The following BCL11B variants were observed in gnomAD, a reference collection of about 807,000 sequenced individuals.
BCL11B encodes the protein BCL11 transcription factor B, also known as B-cell lymphoma/leukemia 11B.
BCL11B carries 8 observed loss-of-function variants against 49.9 expected under a neutral mutation model. That is an observed-to-expected ratio of 0.16 (90% confidence interval 0.09 to 0.29). The LOEUF is 0.29. Among genes scored for constraint, BCL11B ranks in the 10% least tolerant of loss-of-function variants. The probability of loss-of-function intolerance (pLI) is 1.00; values close to 1 mark genes in which losing one functional copy is unlikely to be tolerated. For synonymous variants in BCL11B, 739 were observed against 637.4 expected, an observed-to-expected ratio of 1.16 and a Z score of -2.40; for missense variants, 1,006 against 1,351.0, an observed-to-expected ratio of 0.74 and a Z score of 4.00.
In BCL11B at chr14:99,205,078, G is replaced by GT. The variant is rs1887495410; in HGVS notation, c.640+26266dup. ...CAGGTGTTCAGGGGATGCCCCTCCA[G>GT]TTACATTACTTTGAAAGGGAGCATA... is the stretch of plus-strand genomic sequence containing the variant. On this transcript the variant is annotated intron_variant, in intron 3 of 3. Transcript: ENST00000357195. The surrounding 1 kb of genome is among the most constrained non-coding windows in gnomAD (Gnocchi z 5.0). 6.6e-6 allele frequency among the ~76,000 whole-genome samples: 1 copy of GT among 152,064 alleles called. No individual in the cohort carries two copies. The highest frequency in any genetic ancestry group is 1.5e-5 in the Non-Finnish European group (1 of 68,010).
At chr14:99,243,365 A>T (rs941520) in intron 2 of BCL11B, among the ~76,000 whole-genome samples, 1 of 151,916 alleles carries the variant, frequency 6.6e-6, no homozygotes, top group Non-Finnish European at 1.5e-5. Flanking sequence ...CCTCTAGAAG[A>T]GGCTATTTGA....
chr14:99,257,416 C>T lies in BCL11B; in HGVS notation c.427+55G>A, dbSNP rs1034120226. The T allele has an allele frequency of 6.5e-7, 1 of 1,545,198 alleles. No individual in the cohort carries two copies. The highest frequency in any genetic ancestry group is 8.8e-7 in the Non-Finnish European group (1 of 1,140,130). ...TGCACCAGCACACTCAGGCAGAGGG[C>T]ATGGGACCCAGGAGGTGGCTTCCAC... On this transcript the variant is annotated intron_variant, in intron 2 of 3. Transcript: ENST00000357195. The surrounding 1 kb of genome is among the most constrained non-coding windows in gnomAD (Gnocchi z 6.2).
rs555263244 is a variant in BCL11B at position 99,254,208 on chromosome 14, G to A, written c.427+3263C>T. On this transcript the variant is annotated intron_variant, in intron 2 of 3. Coordinates refer to ENST00000357195, the MANE Select transcript of BCL11B (RefSeq NM_138576.4). ...TGAATGAATGAATGAATGCCCTCCA[G>A]AAAACAAAGCTTCAGAAACTTCCTC... is the stretch of plus-strand genomic sequence containing the variant. Among the ~76,000 whole-genome samples the A allele has an allele frequency of 5.9e-5, 9 of 152,328 alleles. No homozygotes were observed. The South Asian group carries it at 1.9e-3, about 32-fold the overall frequency.
In BCL11B at chr14:99,211,116, G is replaced by A. The variant is rs1340520246; in HGVS notation, c.640+20229C>T. Among the ~76,000 whole-genome samples the A allele has an allele frequency of 2.0e-5, 3 of 152,204 alleles. No homozygotes were observed. The East Asian group carries it at 5.8e-4, about 29-fold the overall frequency. On this transcript the variant is annotated intron_variant, in intron 3 of 3. Transcript: ENST00000357195. ...CACATGCGTACCCAGGTAATACCAT[G>A]ATCTCCTTTTAGCAAGTGAGGAAAC...
At position 99,172,311 on chromosome 14, in the gene BCL11B, C is replaced by A. The variant is rs1886317338; in HGVS notation, c.*1840G>T. On this transcript the variant is annotated 3_prime_UTR_variant, in exon 4 of 4. Transcript: ENST00000357195. ...AAAACAAAAGGGGCTGAGGATAATT[C>A]AGCTAATGGATGTCCAAGGTTGTGC... is the stretch of plus-strand genomic sequence containing the variant. 2 of 226,090 alleles carry A rather than the reference C, an allele frequency of 8.8e-6. No homozygotes were observed. The highest frequency in any genetic ancestry group is 1.8e-5 in the Non-Finnish European group (2 of 113,356). 14.0% of individuals were successfully genotyped at this position (226,090 alleles called of 1,614,324 possible). A position where few individuals can be genotyped will look rare whatever the true frequency, so the allele number is the denominator to read the frequency against.
In BCL11B at chr14:99,184,508, C is replaced by T. The variant is rs1387888402; in HGVS notation, c.641-8313G>A. 1.3e-5 allele frequency among the ~76,000 whole-genome samples: 2 copies of T among 152,188 alleles called. No individual in the cohort carries two copies. The highest frequency in any genetic ancestry group is 2.4e-5 in the African/African-American group (1 of 41,434). On this transcript the variant is annotated intron_variant, in intron 3 of 3. Coordinates refer to ENST00000357195, the MANE Select transcript of BCL11B (RefSeq NM_138576.4). The surrounding 1 kb of genome is among the most constrained non-coding windows in gnomAD (Gnocchi z 6.1). ...GTTCTCTAGAGAAAAGAAACTAAGT[C>T]TCATCACAGCTGAGTGAGGGGCCCC...
chr14:99,174,553 G>A lies in BCL11B; in HGVS notation c.2283C>T (p.Asp761=), dbSNP rs1022551537. 33 of 1,512,324 alleles carry A rather than the reference G, an allele frequency of 2.2e-5. No homozygotes were observed. The Middle Eastern group carries it at 1.0e-3, about 47-fold the overall frequency. 93.7% of individuals were successfully genotyped at this position (1,512,324 alleles called of 1,614,324 possible). The part of the protein sequence containing the change: ...RFSTPPGDLL[D]GGLSGRSGTA... ...TGCCGCTGCGGCCCGAGAGGCCGCC[G>A]TCCAGCAGGTCCCCGGGCGGCGTGG... Residue 761 remains aspartate (D), a synonymous_variant, in exon 4 of 4, where the codon GAC becomes GAT. Coordinates refer to ENST00000357195, the MANE Select transcript of BCL11B (RefSeq NM_138576.4).
In BCL11B at chr14:99,195,785, C is replaced by T. The variant is rs1051311979; in HGVS notation, c.641-19590G>A. Among the ~76,000 whole-genome samples the T allele has an allele frequency of 1.3e-5, 2 of 152,156 alleles. No homozygotes were observed. The highest frequency in any genetic ancestry group is 4.8e-5 in the African/African-American group (2 of 41,430). On this transcript the variant is annotated intron_variant, in intron 3 of 3. Coordinates refer to ENST00000357195, the MANE Select transcript of BCL11B (RefSeq NM_138576.4). The surrounding 1 kb of genome is among the most constrained non-coding windows in gnomAD (Gnocchi z 4.7). ...CAGTCATTCCTGTCACCCTTCACCA[C>T]CCAACACCATCTGACACATAGTAGG...
At chr14:99,252,444 A>G (rs1303222780) in intron 2 of BCL11B, among the ~76,000 whole-genome samples, 11 of 152,182 alleles carry the variant, frequency 7.2e-5, no homozygotes, top group Admixed American at 7.2e-4. Flanking sequence ...TGGAGAGAAC[A>G]TTCCCAAAGC....
rs760038299 is a variant in BCL11B at position 99,231,415 on chromosome 14, C to T, written c.570G>A (p.Pro190=). 2.1e-5 allele frequency: 33 copies of T among 1,596,342 alleles called. 1 individual carries two copies. The East Asian group carries it at 2.5e-4, about 12-fold the overall frequency. ...CLPLPCCSAR[P]VSGDGTQGEG... ...CACCCTGAGTCCCGTCACCCGAGAC[C>T]GGGCGCGCGCTGCAGCACGGCAGGG... The change falls in exon 3 of 4, where the codon CCG becomes CCA. Residue 190 remains proline (P), a synonymous_variant. Coordinates refer to ENST00000357195, the MANE Select transcript of BCL11B (RefSeq NM_138576.4). This position sits in a 1 kb window ranked among gnomAD's most constrained non-coding sequence, Gnocchi z 8.1.
chr14:99,185,844 C>T (rs1886837471), intron 3 of BCL11B, among the ~76,000 whole-genome samples: 1 of 152,206 alleles, frequency 6.6e-6, no homozygotes, highest in African/African-American at 2.4e-5. Flanking sequence ...CAGGATGACC[C>T]AAGACCTCAC....
intron 3 of BCL11B, among the ~76,000 whole-genome samples, chr14:99,193,285 C>T (rs1382350337): frequency 6.6e-6 from 1 of 152,082 alleles, no homozygotes; most frequent in South Asian, 2.1e-4. Flanking sequence ...AGAAAGGCCC[C>T]GCTAATACAC....
rs1351682870 is a variant in BCL11B, at chr14:99,242,916, A to C, written c.428-11359T>G. 6.6e-6 allele frequency among the ~76,000 whole-genome samples: 1 copy of C among 152,138 alleles called. No homozygotes were observed. Among genetic ancestry groups the C allele is most frequent in the Non-Finnish European group, 1.5e-5 (1 of 68,018 alleles). On this transcript the variant is annotated intron_variant, in intron 2 of 3. Transcript: ENST00000357195. The surrounding 1 kb of genome is among the most constrained non-coding windows in gnomAD (Gnocchi z 4.4). ...TGTGTGCTCCATGGGGATAAGTGCC[A>C]ATTTTTGTTAGCTCTGAGAGGCGGT...
In BCL11B at chr14:99,194,563, C is replaced by T. The variant is rs1357853168; in HGVS notation, c.641-18368G>A. 6.6e-6 allele frequency among the ~76,000 whole-genome samples: 1 copy of T among 152,228 alleles called. No homozygotes were observed. On this transcript the variant is annotated intron_variant, in intron 3 of 3. Coordinates refer to ENST00000357195, the MANE Select transcript of BCL11B (RefSeq NM_138576.4). The surrounding 1 kb of genome is among the most constrained non-coding windows in gnomAD (Gnocchi z 4.6). ...TATGACTCGGCAGTTATTAGCTGGG[C>T]AACCCTGGGGAAGGTGCTTAACTTC...
Position 99,231,173 on chromosome 14 carries a change from G to A in BCL11B, c.640+172C>T, listed in dbSNP as rs1052846482. On this transcript the variant is annotated intron_variant, in intron 3 of 3. Coordinates refer to ENST00000357195, the MANE Select transcript of BCL11B (RefSeq NM_138576.4). The surrounding 1 kb of genome is among the most constrained non-coding windows in gnomAD (Gnocchi z 8.1). ...GGGGGACTCCTGACCGAGGGGCACC[G>A]GGCCCTGGCTCATAGTTCAGCGAAC... Among the ~76,000 whole-genome samples the A allele has an allele frequency of 7.2e-5, 11 of 152,178 alleles. No homozygotes were observed. Among genetic ancestry groups the A allele is most frequent in the Non-Finnish European group, 1.2e-4 (8 of 68,030 alleles).
chr14:99,240,177 GA>G (rs1284399601), intron 2 of BCL11B, among the ~76,000 whole-genome samples: 1 of 151,674 alleles, frequency 6.6e-6, no homozygotes, highest in Non-Finnish European at 1.5e-5. Flanking sequence ...AGGTTAAAAA[GA>G]AAGAAAAAAG....
chr14:99,219,577 C>T (rs983242569), intron 3 of BCL11B, among the ~76,000 whole-genome samples: 2 of 152,130 alleles, frequency 1.3e-5, no homozygotes, highest in African/African-American at 4.8e-5. Context: ...GGAGACCCCA[C>T]AAGGCTCAGA....
chr14:99,238,134 C>G (rs1053050868), intron 2 of BCL11B, among the ~76,000 whole-genome samples: 1 of 152,090 alleles, frequency 6.6e-6, no homozygotes. Context: ...TAGAAGCACA[C>G]CTCAGGGAGC....
In BCL11B at chr14:99,248,215, C is replaced by A. The variant is rs1301107578; in HGVS notation, c.427+9256G>T. Among the ~76,000 whole-genome samples the A allele has an allele frequency of 3.3e-5, 5 of 152,210 alleles. No individual in the cohort carries two copies. The East Asian group carries it at 9.7e-4, about 29-fold the overall frequency. ...CAGCACAGACTCCTCCTTTCTGAGACACCCCAGGGCCCTCCAGACCAAAAC... is the reference window on the plus strand; with the variant it reads ...CAGCACAGACTCCTCCTTTCTGAGAAACCCCAGGGCCCTCCAGACCAAAAC... On this transcript the variant is annotated intron_variant, in intron 2 of 3. Transcript: ENST00000357195. This position sits in a 1 kb window ranked among gnomAD's most constrained non-coding sequence, Gnocchi z 4.7.
Sources: allele counts gnomAD v4.1 joint callset (sites outside exome capture counted in the v4.1 genomes callset), GRCh38; gene constraint gnomAD v4.1.1; non-coding constraint Gnocchi (gnomAD v3.1); transcripts MANE v1.5; gene names NCBI Gene and HGNC (gene_info 2026-07-23, HGNC 2026-07-21).